Variants in DDX46 observed in about 807,000 individuals in gnomAD.
DDX46 encodes the protein DEAD-box helicase 46, also known as probable ATP-dependent RNA helicase DDX46.
In DDX46, 30 loss-of-function variants were observed where a neutral mutation model predicts 134.9. The ratio of observed to expected loss-of-function variants is 0.22; its 90% CI spans 0.17 to 0.30. The LOEUF (loss-of-function observed/expected upper bound fraction) is 0.30. Ranked by LOEUF, DDX46 falls within the 10% of genes least tolerant of loss-of-function variation. The pLI is 1.00. For missense variants in DDX46, 622 were observed against 1,248.7 expected, an observed-to-expected ratio of 0.50 and a Z score of 7.56; for synonymous variants, 415 against 404.1, an observed-to-expected ratio of 1.03 and a Z score of -0.32.
At chr5:134,783,970 C>G (rs898657555) in intron 9 of DDX46, among the ~76,000 whole-genome samples, 1 of 151,434 alleles carries the variant, frequency 6.6e-6, no homozygotes, top group African/African-American at 2.4e-5. Context: ...CAGTCATGAA[C>G]CACTGCGCCC....
chr5:134,791,662 C>A (rs1157448429), intron 13 of DDX46, among the ~76,000 whole-genome samples: 1 of 151,928 alleles, frequency 6.6e-6, no homozygotes, highest in East Asian at 1.9e-4. Context: ...TTATAAGAGA[C>A]CATAGTAATG....
At chr5:134,777,760 C>T (rs756133326) in intron 6 of DDX46, 35 bp downstream of exon 6, 1 of 1,575,730 alleles carries the variant, frequency 6.3e-7, no homozygotes, top group Non-Finnish European at 8.6e-7. Flanking sequence ...ATTTCCGTTT[C>T]CTCTTGGGTA....
intron 3 of DDX46, among the ~76,000 whole-genome samples, chr5:134,769,955 C>G (rs942380235): frequency 2.6e-5 from 4 of 152,184 alleles, no homozygotes; most frequent in Admixed American, 6.6e-5. Context: ...GCCACCATGC[C>G]CAGCCTCCAG....
chr5:134,784,274 T>C (rs182591040), intron 9 of DDX46, 92 bp from the exon 10 acceptor site: 1 of 1,366,024 alleles, frequency 7.3e-7, no homozygotes, highest in East Asian at 2.4e-5. Flanking sequence ...ATACCACCTT[T>C]TGGAAGTTCA....
chr5:134,769,276 A>G (rs1288960651), intron 3 of DDX46, among the ~76,000 whole-genome samples: 3 of 149,578 alleles, frequency 2.0e-5, no homozygotes, highest in Non-Finnish European at 4.4e-5. Flanking sequence ...AATATTTAGT[A>G]ATGCTTCCCA....
intron 18 of DDX46, among the ~76,000 whole-genome samples, chr5:134,812,930 G>A (rs1289491601): frequency 3.3e-5 from 5 of 151,832 alleles, no homozygotes; most frequent in Admixed American, 2.0e-4. Context: ...GAGCCACTGT[G>A]CCTGGCCAAT....
chr5:134,804,461 A>C (rs1156298893), intron 15 of DDX46, among the ~76,000 whole-genome samples: 1 of 152,082 alleles, frequency 6.6e-6, no homozygotes, highest in Admixed American at 6.6e-5. Flanking sequence ...TTTTTGGGAC[A>C]GGGTTTTACT....
chr5:134,758,848 T>C lies in DDX46; in HGVS notation c.-91T>C. The C allele has an allele frequency of 1.3e-6, 2 of 1,597,804 alleles. No homozygotes were observed. The highest frequency in any genetic ancestry group is 1.7e-6 in the Non-Finnish European group (2 of 1,166,182). Reference sequence around the variant, plus strand: ...GCTGCTAGTGTTTAGCGCTGGTCTTTGCCGGGCGTTGAGGGCAGCTCAGCC... The same window carrying C: ...GCTGCTAGTGTTTAGCGCTGGTCTTCGCCGGGCGTTGAGGGCAGCTCAGCC... On this transcript the variant is annotated 5_prime_UTR_variant, in exon 1 of 23. Transcript: ENST00000452510.
intron 1 of DDX46, among the ~76,000 whole-genome samples, chr5:134,762,136 G>A (rs1753404590): frequency 6.6e-6 from 1 of 151,844 alleles, no homozygotes; most frequent in Non-Finnish European, 1.5e-5. Flanking sequence ...GGGCATAGTG[G>A]CACACGCTTT....
At chr5:134,816,698 T>A in intron 19 of DDX46, 92 bp downstream of exon 19, 1 of 1,236,124 alleles carries the variant, frequency 8.1e-7, no homozygotes, top group Non-Finnish European at 1.1e-6. Flanking sequence ...GTAAACAAGT[T>A]GTCCTAGACA....
chr5:134,802,240 C>T (rs1013876390), intron 15 of DDX46, among the ~76,000 whole-genome samples: 1 of 149,688 alleles, frequency 6.7e-6, no homozygotes, highest in African/African-American at 2.5e-5. Context: ...TCTTGGCTCA[C>T]CGCAACCTCC....
chr5:134,813,896 A>G (rs924809938), intron 18 of DDX46, among the ~76,000 whole-genome samples: 1 of 151,980 alleles, frequency 6.6e-6, no homozygotes, highest in African/African-American at 2.4e-5. Context: ...AAGTGATGGT[A>G]TTACAAACAT....
chr5:134,770,758 G>T (rs1170428776), intron 3 of DDX46, 145 bp from the exon 4 acceptor site: 1 of 573,218 alleles, frequency 1.7e-6, no homozygotes, highest in Non-Finnish European at 2.9e-6. Flanking sequence ...GTTGCAGTGA[G>T]CTGAGATCGC....
chr5:134,791,845 A>G (rs1202535665), intron 13 of DDX46, among the ~76,000 whole-genome samples: 1 of 152,216 alleles, frequency 6.6e-6, no homozygotes, highest in African/African-American at 2.4e-5. Context: ...AAGCAGGATT[A>G]TGGTAATGCT....
In DDX46 at chr5:134,766,955, G is replaced by T; in HGVS notation, c.245G>T (p.Arg82Leu). ...RSRERDRSRE[R>L]RRSRSRDRRR... Reference sequence around the variant, plus strand: ...AGAGAGAGAGACAGAAGCCGAGAGCGAAGAAGATCTCGAAGTAGAGACAGG... The same window carrying T: ...AGAGAGAGAGACAGAAGCCGAGAGCTAAGAAGATCTCGAAGTAGAGACAGG... The change falls in exon 3 of 23, where the codon CGA (arginine) becomes CTA (leucine). Residue 82 changes from arginine to leucine, a missense_variant. This residue lies in a region of DDX46 where 244 missense variants were observed against 349.3 expected (regional missense o/e 0.70). Coordinates refer to ENST00000452510, the MANE Select transcript of DDX46 (RefSeq NM_001300860.2). The T allele has an allele frequency of 6.2e-7, 1 of 1,614,112 alleles. No homozygotes were observed. Among genetic ancestry groups the T allele is most frequent in the Non-Finnish European group, 8.5e-7 (1 of 1,180,008 alleles).
intron 15 of DDX46, among the ~76,000 whole-genome samples, chr5:134,797,533 C>T (rs149623637): frequency 2.1e-3 from 320 of 152,270 alleles, no homozygotes; most frequent in Non-Finnish European, 4.0e-3. Context: ...GAGGAAAGAA[C>T]AAGAAGCTGC....
intron 15 of DDX46, among the ~76,000 whole-genome samples, chr5:134,806,326 A>T (rs1009115359): frequency 1.3e-5 from 2 of 152,144 alleles, no homozygotes; most frequent in Non-Finnish European, 2.9e-5. Context: ...TTTGATGTAT[A>T]CCTGACTATG....
At chr5:134,771,650 C>A (rs574023945) in intron 4 of DDX46, among the ~76,000 whole-genome samples, 1 of 151,532 alleles carries the variant, frequency 6.6e-6, no homozygotes, top group Non-Finnish European at 1.5e-5. Flanking sequence ...TGCAGTGAGC[C>A]GAGATTGGGC....
Position 134,811,974 on chromosome 5 carries a change from T to G in DDX46, c.2436+129T>G, listed in dbSNP as rs992878393. On this transcript the variant is annotated intron_variant, in intron 18 of 22. Coordinates refer to ENST00000452510, the MANE Select transcript of DDX46 (RefSeq NM_001300860.2). ...TACAAGAGGTTGGTTCCAGAACAGT[T>G]TTGGAAAATCTGCCTACTACATACC... 5 of 1,202,228 alleles carry G rather than the reference T, an allele frequency of 4.2e-6. No homozygotes were observed. The Admixed American group carries it at 1.3e-4, about 30-fold the overall frequency. The allele number at this position is 1,202,228 out of a possible 1,614,324, so 74.5% of individuals were successfully genotyped here.
Sources: allele counts gnomAD v4.1 joint callset (sites outside exome capture counted in the v4.1 genomes callset), GRCh38; gene constraint gnomAD v4.1.1; regional missense constraint gnomAD v4.1.1; transcripts MANE v1.5; gene names NCBI Gene and HGNC (gene_info 2026-07-23, HGNC 2026-07-21).